The following TUBD1 variants were observed in gnomAD, a reference collection of about 807,000 sequenced individuals.
TUBD1 encodes the protein tubulin delta 1.
TUBD1 carries 38 observed loss-of-function variants against 51.2 expected under a neutral mutation model. The ratio of observed to expected loss-of-function variants is 0.74; its 90% CI spans 0.57 to 0.97. The LOEUF (loss-of-function observed/expected upper bound fraction) is 0.97. TUBD1 is among the 50% of genes least tolerant of loss of function. The pLI is 0.00. For missense variants in TUBD1, 489 were observed against 538.4 expected (o/e 0.91, Z 0.91); for synonymous variants, 169 against 178.2 (o/e 0.95, Z 0.41).
chr17:59,869,864 A>T (rs1188027975), intron 6 of TUBD1, among the ~76,000 whole-genome samples: 1 of 152,146 alleles, frequency 6.6e-6, no homozygotes, highest in Non-Finnish European at 1.5e-5. Flanking sequence ...CAGACTGAGC[A>T]TATCAGTTTC....
intron 6 of TUBD1, among the ~76,000 whole-genome samples, chr17:59,868,666 A>G (rs1427839211): frequency 6.6e-6 from 1 of 152,044 alleles, no homozygotes; most frequent in South Asian, 2.1e-4. Context: ...GTGAAACCCC[A>G]TCTCTACTAA....
At chr17:59,875,530 T>C (rs977853538) in intron 5 of TUBD1, among the ~76,000 whole-genome samples, 2 of 151,632 alleles carry the variant, frequency 1.3e-5, no homozygotes, top group African/African-American at 2.4e-5. Context: ...GGGCAGATCA[T>C]GAGGTCAGGA....
intron 4 of TUBD1, among the ~76,000 whole-genome samples, chr17:59,879,563 G>A (rs2040389187): frequency 6.7e-6 from 1 of 149,740 alleles, no homozygotes; most frequent in South Asian, 2.1e-4. Context: ...AGCCTCCCGA[G>A]TAGCTGGGAC....
At chr17:59,861,268 G>A (rs143423189) in intron 8 of TUBD1, among the ~76,000 whole-genome samples, 277 of 148,782 alleles carry the variant, frequency 1.9e-3, no homozygotes, top group African/African-American at 6.5e-3. Context: ...GTGTGATCTC[G>A]GCTCACTGTG....
Position 59,886,349 on chromosome 17 carries a change from T to C in TUBD1, c.173-119A>G, listed in dbSNP as rs1210955468. 5 of 1,083,404 alleles carry C rather than the reference T, an allele frequency of 4.6e-6. No individual in the cohort carries two copies. The African/African-American group carries it at 8.1e-5, about 17-fold the overall frequency. 67.1% of individuals were successfully genotyped at this position (1,083,404 alleles called of 1,614,324 possible). A position where few individuals can be genotyped will look rare whatever the true frequency, so the allele number is the denominator to read the frequency against. On this transcript the variant is annotated intron_variant, in intron 2 of 8. Coordinates refer to ENST00000325752, the MANE Select transcript of TUBD1 (RefSeq NM_016261.4). ...AAAAAAAAAAAAAAATTCCAGGGGT[T>C]GTGGTTAGAAAGATCTGTCGTACTG...
intron 1 of TUBD1, among the ~76,000 whole-genome samples, chr17:59,892,446 A>C (rs1264584626): frequency 6.6e-6 from 1 of 152,224 alleles, no homozygotes; most frequent in East Asian, 1.9e-4. Flanking sequence ...GGAAAAGACA[A>C]GTTTTGATAA....
chr17:59,891,886 G>T (rs2041082482), intron 1 of TUBD1: 1 of 151,834 alleles, frequency 6.6e-6, no homozygotes, highest in African/African-American at 2.4e-5. Context: ...GATCCCCTGA[G>T]CCTGGGAGGT....
At chr17:59,860,446 CAG>C (rs767814302) in intron 8 of TUBD1, 22 bp from the exon 9 acceptor site, 173 of 1,138,082 alleles carry the variant, frequency 1.5e-4, no homozygotes, top group African/African-American at 2.5e-4. Flanking sequence ...AAAAAAAAAA[CAG>C]AAATTACAAA....
intron 3 of TUBD1, among the ~76,000 whole-genome samples, chr17:59,882,251 T>C (rs2040520889): frequency 1.3e-5 from 2 of 152,104 alleles, no homozygotes; most frequent in Non-Finnish European, 2.9e-5. Flanking sequence ...CTCTCTTTTG[T>C]AGGCTATTTT....
At chr17:59,869,655 T>C (rs1173736113) in intron 6 of TUBD1, among the ~76,000 whole-genome samples, 1 of 152,130 alleles carries the variant, frequency 6.6e-6, no homozygotes, top group Non-Finnish European at 1.5e-5. Context: ...ACAGGTACTA[T>C]GGCCAAAAAA....
intron 5 of TUBD1, among the ~76,000 whole-genome samples, chr17:59,875,486 C>T (rs987272232): frequency 2.6e-5 from 4 of 151,872 alleles, no homozygotes; most frequent in Admixed American, 6.6e-5. Flanking sequence ...CGGTGGCTCA[C>T]GCCTGTAATC....
At chr17:59,872,080 G>A (rs1298466296) in intron 6 of TUBD1, among the ~76,000 whole-genome samples, 1 of 151,894 alleles carries the variant, frequency 6.6e-6, no homozygotes, top group African/African-American at 2.4e-5. Flanking sequence ...CAGCCTCTTG[G>A]GTAGCTGGGA....
intron 6 of TUBD1, among the ~76,000 whole-genome samples, chr17:59,869,770 T>A (rs1230143891): frequency 6.6e-6 from 1 of 152,198 alleles, no homozygotes; most frequent in African/African-American, 2.4e-5. Flanking sequence ...TGAGAAAATC[T>A]ACTCTCATAG....
intron 5 of TUBD1, among the ~76,000 whole-genome samples, chr17:59,875,578 A>G (rs2040189031): frequency 6.6e-6 from 1 of 151,614 alleles, no homozygotes; most frequent in South Asian, 2.1e-4. Context: ...CTTGGTCTTA[A>G]TAGAAACACT....
rs779812769 is a variant in TUBD1 at position 59,866,557 on chromosome 17, T to C, written c.1075+52A>G. 19 of 1,600,642 alleles carry C rather than the reference T, an allele frequency of 1.2e-5. No homozygotes were observed. The East Asian group carries it at 2.5e-4, about 21-fold the overall frequency. On this transcript the variant is annotated intron_variant, in intron 7 of 8. Coordinates refer to ENST00000325752, the MANE Select transcript of TUBD1 (RefSeq NM_016261.4). ...CTTTTTAAAAACCATTTGTACCATATAGCATGTACAGGTACAAAATGTAAA... is the reference window on the plus strand; with the variant it reads ...CTTTTTAAAAACCATTTGTACCATACAGCATGTACAGGTACAAAATGTAAA...
rs1568309965 is a variant in TUBD1 at position 59,878,324 on chromosome 17, T to C, written c.548A>G (p.Gln183Arg). The C allele has an allele frequency of 1.2e-6, 2 of 1,612,586 alleles. No individual in the cohort carries two copies. The highest frequency in any genetic ancestry group is 1.7e-6 in the Non-Finnish European group (2 of 1,178,672). The change falls in exon 5 of 9, where the codon CAA (glutamine) becomes CGA (arginine). Residue 183 changes from glutamine (Q) to arginine (R), a missense_variant. Transcript: ENST00000325752. ...WPYGTGEVIV[Q>R]NYNSILTLSH... ...AAGTGTCAAAATGGAGTTGTAGTTTTGAACAATAACCTGGAGAGGAAAAGG... is the reference window on the plus strand; with the variant it reads ...AAGTGTCAAAATGGAGTTGTAGTTTCGAACAATAACCTGGAGAGGAAAAGG...
chr17:59,890,725 C>A, intron 2 of TUBD1, 106 bp downstream of exon 2: 2 of 935,532 alleles, frequency 2.1e-6, no homozygotes, highest in South Asian at 2.1e-5. Flanking sequence ...CAAAGTAATT[C>A]CCTAGTGAGA....
chr17:59,868,838 AAAATAAATAAAT>A (rs553719952), intron 6 of TUBD1, among the ~76,000 whole-genome samples: 1 of 151,580 alleles, frequency 6.6e-6, no homozygotes, highest in African/African-American at 2.4e-5. Context: ...TCCATCTCAA[AAAATAAATAAAT>A]AAATAAATAA....
At chr17:59,866,967 G>C (rs1481823425) in intron 6 of TUBD1, among the ~76,000 whole-genome samples, 4 of 151,958 alleles carry the variant, frequency 2.6e-5, no homozygotes, top group Admixed American at 2.6e-4. Context: ...TAATTTTTTT[G>C]TATTTTTAGT....
Sources: allele counts gnomAD v4.1 joint callset (sites outside exome capture counted in the v4.1 genomes callset), GRCh38; gene constraint gnomAD v4.1.1; transcripts MANE v1.5; gene names NCBI Gene and HGNC (gene_info 2026-07-23, HGNC 2026-07-21).